The following CCDC83 variants were observed in gnomAD, a reference collection of about 807,000 sequenced individuals.
The protein encoded by CCDC83 is coiled-coil domain containing 83, also known as coiled-coil domain-containing protein 83.
A neutral mutation model predicts 50.1 loss-of-function variants in CCDC83; 54 were observed. That is an observed-to-expected ratio of 1.08 (90% CI 0.87 to 1.35). The LOEUF is 1.35. Ranked by LOEUF, CCDC83 falls within the 40% of genes most tolerant of loss-of-function variation. The pLI is 0.00. For synonymous variants in CCDC83, 161 were observed against 153.3 expected, an observed-to-expected ratio of 1.05 and a Z score of -0.37; for missense variants, 518 against 473.9, an observed-to-expected ratio of 1.09 and a Z score of -0.86.
At position 85,865,098 on chromosome 11, in the gene CCDC83, A is replaced by G. The variant is rs2093199518; in HGVS notation, c.-26A>G. On this transcript the variant is annotated splice_region_variant and 5_prime_UTR_variant, in exon 2 of 11. Transcript: ENST00000342404. ...TCGTATGTCTCCTTTCTAAACAGGT[A>G]TATTTCTTCATAGCTAACCAGCACA... is the stretch of plus-strand genomic sequence containing the variant. 4.8e-6 allele frequency: 7 copies of G among 1,453,942 alleles called. No homozygotes were observed. The highest frequency in any genetic ancestry group is 5.8e-6 in the Non-Finnish European group (6 of 1,038,202). The allele number at this position is 1,453,942 out of a possible 1,614,324, so 90.1% of individuals were successfully genotyped here.
At chr11:85,905,969 C>CAA (rs760367430) in intron 7 of CCDC83, among the ~76,000 whole-genome samples, 4,225 of 45,688 alleles carry the variant, frequency 0.092, 179 homozygotes, top group Non-Finnish European at 0.13. Context: ...GACTCCGTCT[C>CAA]AAAAAAAAAA....
intron 3 of CCDC83, among the ~76,000 whole-genome samples, chr11:85,874,413 T>A (rs1186822996): frequency 6.6e-6 from 1 of 152,154 alleles, no homozygotes; most frequent in East Asian, 1.9e-4. Flanking sequence ...CAAATCAGGA[T>A]TGAGTAATCA....
At chr11:85,886,480 C>A in intron 5 of CCDC83, 113 bp downstream of exon 5, 3 of 810,602 alleles carry the variant, frequency 3.7e-6, no homozygotes, top group South Asian at 2.9e-5. Flanking sequence ...CTGCTGTCAG[C>A]ACAAGCAGCT....
rs1350626149 is a variant in CCDC83, at chr11:85,886,340, G to A, written c.484G>A (p.Val162Ile). 22 of 1,595,352 alleles carry A rather than the reference G, an allele frequency of 1.4e-5. No homozygotes were observed. The highest frequency in any genetic ancestry group is 1.7e-5 in the Non-Finnish European group (20 of 1,174,202). ...ITSLQNDINTVKENAEKMSEH... is the reference protein window; with the variant it reads ...ITSLQNDINTIKENAEKMSEH... ...CTCCTTACAAAATGACATCAACACA[G>A]TTAAAGAGAATGCAGAGAAAATGTC... The change falls in exon 5 of 11, where the codon GTT becomes ATT. Residue 162 changes from valine to isoleucine, a missense_variant. Coordinates refer to ENST00000342404, the MANE Select transcript of CCDC83 (RefSeq NM_001286159.2).
chr11:85,870,815 C>A (rs1169786598), intron 2 of CCDC83, among the ~76,000 whole-genome samples: 3 of 152,090 alleles, frequency 2.0e-5, no homozygotes, highest in Non-Finnish European at 4.4e-5. Context: ...GTGTTTACTT[C>A]TTATTATCCA....
chr11:85,894,086 G>A lies in CCDC83; in HGVS notation c.512-1207G>A, dbSNP rs79009000. 6.0e-3 allele frequency among the ~76,000 whole-genome samples: 913 copies of A among 152,194 alleles called. 11 individuals are homozygous for A. The highest frequency in any genetic ancestry group is 0.021 in the African/African-American group (881 of 41,518). ...ATAATAATAGAAATAAAGTGCATAT[G>A]TAATGCACTTGAATCATCCCAAAAC... On this transcript the variant is annotated intron_variant, in intron 5 of 10. Coordinates refer to ENST00000342404, the MANE Select transcript of CCDC83 (RefSeq NM_001286159.2).
intron 2 of CCDC83, among the ~76,000 whole-genome samples, chr11:85,871,651 A>G (rs1197921360): frequency 2.0e-5 from 3 of 152,210 alleles, no homozygotes; most frequent in Non-Finnish European, 4.4e-5. Flanking sequence ...GATAATATGC[A>G]GAGCTAGGTA....
intron 5 of CCDC83, among the ~76,000 whole-genome samples, chr11:85,889,442 T>C (rs2093341548): frequency 6.6e-6 from 1 of 152,258 alleles, no homozygotes; most frequent in Non-Finnish European, 1.5e-5. Flanking sequence ...AACATTTATA[T>C]ATTGAATTAC....
chr11:85,860,043 C>G (rs1232623405), intron 1 of CCDC83, among the ~76,000 whole-genome samples: 1 of 152,114 alleles, frequency 6.6e-6, no homozygotes, highest in African/African-American at 2.4e-5. Context: ...AATCCCAGCA[C>G]TTTGGGAGGC....
At chr11:85,868,640 G>A (rs1229410781) in intron 2 of CCDC83, among the ~76,000 whole-genome samples, 15 of 152,140 alleles carry the variant, frequency 9.9e-5, no homozygotes, top group Admixed American at 9.8e-4. Flanking sequence ...CAAAGTGCTG[G>A]GAGCCTCCCA....
chr11:85,868,564 T>C (rs2093220542), intron 2 of CCDC83, among the ~76,000 whole-genome samples: 1 of 152,212 alleles, frequency 6.6e-6, no homozygotes, highest in African/African-American at 2.4e-5. Flanking sequence ...TTAGTAGAGA[T>C]GGGGTTTTGC....
At chr11:85,894,768 C>G (rs962797222) in intron 5 of CCDC83, among the ~76,000 whole-genome samples, 2 of 152,244 alleles carry the variant, frequency 1.3e-5, no homozygotes, top group Middle Eastern at 3.4e-3. Context: ...AAGGAATGAA[C>G]AAATTGGACT....
At chr11:85,885,278 C>T (rs2093321504) in intron 4 of CCDC83, among the ~76,000 whole-genome samples, 1 of 152,130 alleles carries the variant, frequency 6.6e-6, no homozygotes. Context: ...TCCTTCTGGA[C>T]CTCTGGACTG....
intron 8 of CCDC83, among the ~76,000 whole-genome samples, chr11:85,915,157 C>T (rs12294060): frequency 0.044 from 6,751 of 152,232 alleles, 430 homozygotes; most frequent in African/African-American, 0.14. Context: ...CTTTCCTTCC[C>T]CCTAAAGCTG....
At chr11:85,917,430 G>A (rs961614882) in intron 10 of CCDC83, among the ~76,000 whole-genome samples, 4 of 152,184 alleles carry the variant, frequency 2.6e-5, no homozygotes, top group Non-Finnish European at 4.4e-5. Flanking sequence ...ACATCTTGAT[G>A]GAGGAAGGTC....
chr11:85,859,210 A>G (rs2153681404), intron 1 of CCDC83, among the ~76,000 whole-genome samples: 2 of 151,750 alleles, frequency 1.3e-5, no homozygotes, highest in East Asian at 1.9e-4. Flanking sequence ...CCAAGAAGGT[A>G]AATGAGTTCT....
intron 3 of CCDC83, among the ~76,000 whole-genome samples, chr11:85,874,872 G>A (rs1039863516): frequency 1.3e-5 from 2 of 152,074 alleles, no homozygotes; most frequent in Non-Finnish European, 1.5e-5. Flanking sequence ...AGTCTTCAGC[G>A]CCCTTCAAAA....
At chr11:85,875,221 G>A (rs2093262320) in intron 3 of CCDC83, among the ~76,000 whole-genome samples, 1 of 152,184 alleles carries the variant, frequency 6.6e-6, no homozygotes, top group Non-Finnish European at 1.5e-5. Context: ...AACCAATTAG[G>A]AAAGGGTAGG....
intron 6 of CCDC83, among the ~76,000 whole-genome samples, chr11:85,897,955 G>C (rs1011198799): frequency 6.6e-6 from 1 of 151,970 alleles, no homozygotes; most frequent in Non-Finnish European, 1.5e-5. Flanking sequence ...TCAGGAGTTC[G>C]AGACCAGCCT....
Sources: gnomAD v4.1 joint callset for allele counts (sites outside exome capture counted in the v4.1 genomes callset) on GRCh38, gnomAD v4.1.1 for gene constraint, MANE v1.5 for transcripts, NCBI Gene and HGNC (gene_info 2026-07-23, HGNC 2026-07-21) for gene names.